Variants in CIROZ observed in about 807,000 individuals in gnomAD.
The protein encoded by CIROZ is ciliated left-right organizer ZP-N domains-containing protein.
At chr1:10,972,420 T>TAGAAAC in the CIROZ span, among the ~76,000 whole-genome samples, 988 of 131,790 alleles carry the variant, frequency 7.5e-3, 15 homozygotes, top group African/African-American at 0.029. Context: ...GTCTCTGAAA[T>TAGAAAC]ACACACACAC....
the CIROZ span, among the ~76,000 whole-genome samples, chr1:10,969,401 G>A: frequency 6.6e-6 from 1 of 152,182 alleles, no homozygotes; most frequent in African/African-American, 2.4e-5. Context: ...GTTTCTGGAA[G>A]TGACACTATG....
At chr1:10,955,225 C>CT in the CIROZ span, 9 of 1,549,274 alleles carry the variant, frequency 5.8e-6, no homozygotes, top group South Asian at 8.3e-5. Context: ...AAAAGGCACA[C>CT]TTTGCAGGCT....
the CIROZ span, among the ~76,000 whole-genome samples, chr1:10,961,998 C>A: frequency 6.6e-6 from 1 of 152,116 alleles, no homozygotes; most frequent in Non-Finnish European, 1.5e-5. Context: ...TTGTCATCAG[C>A]AGCCTTTTCA....
At chr1:10,955,844 C>CAAAAA in the CIROZ span, among the ~76,000 whole-genome samples, 1 of 98,402 alleles carries the variant, frequency 1.0e-5, no homozygotes, top group South Asian at 3.2e-4. Context: ...AACTCCATCT[C>CAAAAA]AAAAAAAAAA....
At chr1:10,947,583 G>A in the CIROZ span, 23 of 1,208,108 alleles carry the variant, frequency 1.9e-5, no homozygotes, top group East Asian at 8.1e-5. Flanking sequence ...CCTCCAGGCC[G>A]ACCCATCACT....
chr1:10,960,686 C>T, the CIROZ span, among the ~76,000 whole-genome samples: 4 of 152,354 alleles, frequency 2.6e-5, no homozygotes, highest in African/African-American at 4.8e-5. The surrounding 1 kb of genome is among the most constrained non-coding windows in gnomAD (Gnocchi z 4.6). Flanking sequence ...GAGCAGGGCA[C>T]GGCTCGGGTA....
chr1:10,968,503 G>A, the CIROZ span, among the ~76,000 whole-genome samples: 1 of 152,206 alleles, frequency 6.6e-6, no homozygotes, highest in African/African-American at 2.4e-5. Flanking sequence ...CGTGCCTCTG[G>A]CGGAGGAAGA....
At chr1:10,947,893 C>T in the CIROZ span, 1 of 1,613,480 alleles carries the variant, frequency 6.2e-7, no homozygotes, top group South Asian at 1.1e-5. Flanking sequence ...TGTGCAACCC[C>T]CCACTCCTCC....
the CIROZ span, among the ~76,000 whole-genome samples, chr1:10,978,244 T>C: frequency 6.6e-6 from 1 of 151,314 alleles, no homozygotes; most frequent in Non-Finnish European, 1.5e-5. Context: ...AGATGGGGTT[T>C]CACCATGTTG....
chr1:10,954,505 A>C, the CIROZ span, among the ~76,000 whole-genome samples: 1 of 152,034 alleles, frequency 6.6e-6, no homozygotes, highest in Non-Finnish European at 1.5e-5. Flanking sequence ...AATTAGTTGC[A>C]CATGGCAGGG....
the CIROZ span, among the ~76,000 whole-genome samples, chr1:10,951,749 T>A: frequency 3.9e-4 from 48 of 124,340 alleles, no homozygotes; most frequent in Middle Eastern, 4.2e-3. Context: ...AAAAAAAATA[T>A]ATATATATAT....
the CIROZ span, among the ~76,000 whole-genome samples, chr1:10,975,907 A>T: frequency 6.6e-6 from 1 of 152,042 alleles, no homozygotes; most frequent in Non-Finnish European, 1.5e-5. Context: ...TAATTATTGA[A>T]ACAAGCACCG....
the CIROZ span, chr1:10,949,613 C>A: frequency 6.3e-7 from 1 of 1,595,562 alleles, no homozygotes; most frequent in Non-Finnish European, 8.5e-7. Flanking sequence ...AGGATGCAGC[C>A]ATAGACGTGC....
At chr1:10,971,138 G>T in the CIROZ span, among the ~76,000 whole-genome samples, 3 of 1,456 alleles carry the variant, frequency 2.1e-3, no homozygotes, top group African/African-American at 0.011. Context: ...GACAGAGCAA[G>T]ACTCCACCTC....
the CIROZ span, among the ~76,000 whole-genome samples, chr1:10,970,353 C>T: frequency 6.6e-6 from 1 of 152,096 alleles, no homozygotes; most frequent in Non-Finnish European, 1.5e-5. Context: ...GCAGGCTGGG[C>T]ACGGTGGCTC....
the CIROZ span, among the ~76,000 whole-genome samples, chr1:10,953,560 A>G: frequency 6.6e-6 from 1 of 152,322 alleles, no homozygotes; most frequent in South Asian, 2.1e-4. Flanking sequence ...GAGGAACTGG[A>G]GCCCACACAG....
At chr1:10,964,580 T>C in the CIROZ span, among the ~76,000 whole-genome samples, 68,800 of 152,082 alleles carry the variant, frequency 0.45, 19,081 homozygotes, top group African/African-American at 0.77. Context: ...AGTTGACAAA[T>C]ATTTGTTCAC....
At chr1:10,969,684 G>C in the CIROZ span, among the ~76,000 whole-genome samples, 1 of 152,064 alleles carries the variant, frequency 6.6e-6, no homozygotes, top group Non-Finnish European at 1.5e-5. Flanking sequence ...CACGTGGGCC[G>C]TGCCCTCACA....
At chr1:10,958,690 G>A in the CIROZ span, 2 of 1,613,810 alleles carry the variant, frequency 1.2e-6, no homozygotes, top group South Asian at 2.2e-5. Context: ...AGTTGCTCCT[G>A]CTACTTCAAT....
Sources: gnomAD v4.1 joint callset for allele counts (sites outside exome capture counted in the v4.1 genomes callset) on GRCh38, gnomAD v4.1.1 for gene constraint, Gnocchi (gnomAD v3.1) non-coding constraint, MANE v1.5 for transcripts, NCBI Gene and HGNC (gene_info 2026-07-23, HGNC 2026-07-21) for gene names.